Variants in NSL1 observed in about 807,000 individuals in gnomAD.
NSL1 encodes NSL1 component of MIS12 kinetochore complex.
A neutral mutation model predicts 25.4 loss-of-function variants in NSL1; 11 were observed. The observed-to-expected ratio is 0.43, with a 90% CI of 0.27 to 0.72. The LOEUF is 0.72. Ranked by LOEUF, NSL1 falls within the 30% of genes least tolerant of loss-of-function variation. The pLI, the probability that NSL1 is intolerant of heterozygous loss-of-function variation, is 0.19. For synonymous variants in NSL1, 118 were observed against 120.6 expected (o/e 0.98, Z 0.14); for missense variants, 330 against 342.7 (o/e 0.96, Z 0.29).
chr1:212,784,292 T>A, intron 3 of NSL1, 71 bp downstream of exon 3: 1 of 1,061,066 alleles, frequency 9.4e-7, no homozygotes, highest in Non-Finnish European at 1.4e-6. Flanking sequence ...TATCTCCACG[T>A]AGAGCCTTAT....
intron 4 of NSL1, among the ~76,000 whole-genome samples, chr1:212,759,955 T>C (rs1177069387): frequency 6.6e-6 from 1 of 152,092 alleles, no homozygotes; most frequent in Non-Finnish European, 1.5e-5. Context: ...CATGTGCCTT[T>C]AGTGTGCCTA....
rs1237984683 is a variant in NSL1, at chr1:212,760,603, G to C, written c.500-21002C>G. On this transcript the variant is annotated intron_variant, in intron 4 of 5. Coordinates refer to ENST00000366977, the MANE Select transcript of NSL1 (RefSeq NM_015471.4). The surrounding 1 kb of genome is among the most constrained non-coding windows in gnomAD (Gnocchi z 4.3). ...AAATGTGCTCTGGGGGGACTGGCCAGCCCAGTCCATTGCCACCACCACTGC... is the reference window on the plus strand; with the variant it reads ...AAATGTGCTCTGGGGGGACTGGCCACCCCAGTCCATTGCCACCACCACTGC... Among the ~76,000 whole-genome samples, 5 of 152,106 alleles carry C rather than the reference G, an allele frequency of 3.3e-5. No homozygotes were observed. The East Asian group carries it at 5.8e-4, about 18-fold the overall frequency.
chr1:212,775,019 A>G (rs993318998), intron 4 of NSL1, among the ~76,000 whole-genome samples: 3 of 152,244 alleles, frequency 2.0e-5, no homozygotes, highest in African/African-American at 7.2e-5. Flanking sequence ...ATAAATATAT[A>G]AAATACATAG....
chr1:212,772,595 T>C (rs1040324567), intron 4 of NSL1, among the ~76,000 whole-genome samples: 9 of 152,082 alleles, frequency 5.9e-5, no homozygotes, highest in African/African-American at 2.2e-4. Context: ...AAGAATCACT[T>C]GAACTCGGGA....
Position 212,727,988 on chromosome 1 carries a change from G to C in NSL1, c.*10420C>G. On this transcript the variant is annotated 3_prime_UTR_variant, in exon 6 of 6. Coordinates refer to ENST00000366977, the MANE Select transcript of NSL1 (RefSeq NM_015471.4). ...CAAGGCCTTTGCTGTGAACCACGGG[G>C]AGAAGGTGGAAGCAGAGTTTGTGGT... is the stretch of plus-strand genomic sequence containing the variant. The C allele has an allele frequency of 3.0e-6, 3 of 985,452 alleles. No homozygotes were observed. Among genetic ancestry groups the C allele is most frequent in the Non-Finnish European group, 3.6e-6 (3 of 829,940 alleles). The allele number at this position is 985,452 out of a possible 1,614,324, so 61.0% of individuals were successfully genotyped here.
intron 5 of NSL1, among the ~76,000 whole-genome samples, chr1:212,738,894 T>C (rs566737685): frequency 9.9e-5 from 15 of 152,058 alleles, no homozygotes; most frequent in African/African-American, 2.9e-4. Context: ...TCCCGAGTAG[T>C]TGGGACTACA....
chr1:212,730,390 T>C lies in NSL1; in HGVS notation c.*8018A>G. ...ACTCCAATGACATCATTGTAGAAGA[T>C]GTGGGCCACAGAGCTACATGAATGG... On this transcript the variant is annotated 3_prime_UTR_variant, in exon 6 of 6. Coordinates refer to ENST00000366977, the MANE Select transcript of NSL1 (RefSeq NM_015471.4). 1 of 985,030 alleles carries C rather than the reference T, an allele frequency of 1.0e-6. No homozygotes were observed. Among genetic ancestry groups the C allele is most frequent in the Non-Finnish European group, 1.2e-6 (1 of 829,896 alleles). The allele number at this position is 985,030 out of a possible 1,614,324, so 61.0% of individuals were successfully genotyped here.
intron 4 of NSL1, among the ~76,000 whole-genome samples, chr1:212,746,962 T>C (rs931642826): frequency 6.6e-6 from 1 of 152,078 alleles, no homozygotes; most frequent in Non-Finnish European, 1.5e-5. Context: ...CTGGCCAACA[T>C]GGCAAAACTC....
chr1:212,752,978 A>AT (rs1437818913), intron 4 of NSL1, among the ~76,000 whole-genome samples: 1 of 152,092 alleles, frequency 6.6e-6, no homozygotes, highest in East Asian at 1.9e-4. Context: ...ACAGCATCAG[A>AT]TGTGTGGCTT....
chr1:212,777,685 G>A (rs1171110211), intron 4 of NSL1, among the ~76,000 whole-genome samples: 1 of 152,176 alleles, frequency 6.6e-6, no homozygotes, highest in African/African-American at 2.4e-5. Flanking sequence ...TACTTCTGAG[G>A]TAAGAGAGGG....
At chr1:212,786,143 G>C (rs12729657) in intron 2 of NSL1, among the ~76,000 whole-genome samples, 7,914 of 149,836 alleles carry the variant, frequency 0.053, 260 homozygotes, top group Middle Eastern at 0.089. Flanking sequence ...TAGAGAGAGA[G>C]ACACACACAG....
Position 212,760,894 on chromosome 1 carries a change from C to G in NSL1, c.500-21293G>C, listed in dbSNP as rs1031887271. ...ACCACCAGTGGGGCCCAAGAACAGG[C>G]CTGCCTGGAGTCCCCATCCCAAGTA... is the stretch of plus-strand genomic sequence containing the variant. On this transcript the variant is annotated intron_variant, in intron 4 of 5. Transcript: ENST00000366977. The surrounding 1 kb of genome is among the most constrained non-coding windows in gnomAD (Gnocchi z 4.3). Among the ~76,000 whole-genome samples, 3 of 152,190 alleles carry G rather than the reference C, an allele frequency of 2.0e-5. No homozygotes were observed. The highest frequency in any genetic ancestry group is 4.8e-5 in the African/African-American group (2 of 41,440).
chr1:212,778,073 G>A (rs1452714815), intron 4 of NSL1, among the ~76,000 whole-genome samples: 1 of 152,026 alleles, frequency 6.6e-6, no homozygotes, highest in African/African-American at 2.4e-5. Context: ...AACAATTTAT[G>A]GGACTTATTG....
At position 212,729,255 on chromosome 1, in the gene NSL1, A is replaced by G. The variant is rs2102417306; in HGVS notation, c.*9153T>C. ...GAAGTGCAGGTTTGCTTGGGCTCCT[A>G]GCCTCTCCCTCAGCTCCCTCTTTTC... On this transcript the variant is annotated 3_prime_UTR_variant, in exon 6 of 6. Transcript: ENST00000366977. 3 of 985,400 alleles carry G rather than the reference A, an allele frequency of 3.0e-6. No individual in the cohort carries two copies. In the East Asian group the frequency reaches 3.4e-4, roughly 112 times the overall value. The allele number at this position is 985,400 out of a possible 1,614,324, so 61.0% of individuals were successfully genotyped here. A position where few individuals can be genotyped will look rare whatever the true frequency, so the allele number is the denominator to read the frequency against.
chr1:212,732,082 T>C lies in NSL1; in HGVS notation c.*6326A>G. ...GATTCAGGGTTTTTATTATTATGGCTATATAAATATTGTTCACTGGAGAAC... is the reference window on the plus strand; with the variant it reads ...GATTCAGGGTTTTTATTATTATGGCCATATAAATATTGTTCACTGGAGAAC... On this transcript the variant is annotated 3_prime_UTR_variant, in exon 6 of 6. Transcript: ENST00000366977. 1.0e-6 allele frequency: 1 copy of C among 970,954 alleles called. No individual in the cohort carries two copies. Among genetic ancestry groups the C allele is most frequent in the Non-Finnish European group, 1.2e-6 (1 of 817,036 alleles). The allele number at this position is 970,954 out of a possible 1,614,324, so 60.1% of individuals were successfully genotyped here.
At position 212,729,408 on chromosome 1, in the gene NSL1, C is replaced by T. The variant is rs1001447192; in HGVS notation, c.*9000G>A. The T allele has an allele frequency of 3.0e-6, 3 of 983,956 alleles. No homozygotes were observed. The highest frequency in any genetic ancestry group is 5.2e-4 in the Middle Eastern group (1 of 1,932). The allele number at this position is 983,956 out of a possible 1,614,324, so 61.0% of individuals were successfully genotyped here. Reference sequence around the variant, plus strand: ...CTCTTAGCACAGTATTTAGATTCATCGAGTATGTGTGTAATAAAAGGTGTG... The same window carrying T: ...CTCTTAGCACAGTATTTAGATTCATTGAGTATGTGTGTAATAAAAGGTGTG... On this transcript the variant is annotated 3_prime_UTR_variant, in exon 6 of 6. Transcript: ENST00000366977.
Position 212,759,617 on chromosome 1 carries a change from G to A in NSL1, c.500-20016C>T, listed in dbSNP as rs151039996. Among the ~76,000 whole-genome samples, 392 of 152,148 alleles carry A rather than the reference G, an allele frequency of 2.6e-3. 1 individual carries two copies. The highest frequency in any genetic ancestry group is 3.8e-3 in the Non-Finnish European group (255 of 67,986). On this transcript the variant is annotated intron_variant, in intron 4 of 5. Transcript: ENST00000366977. ...TACCCCCAAGGCCCAAGACACCGCAGCATAGCACCATTTTGAGAATTCAAC... is the reference window on the plus strand; with the variant it reads ...TACCCCCAAGGCCCAAGACACCGCAACATAGCACCATTTTGAGAATTCAAC...
chr1:212,780,515 AG>A (rs1193487618), intron 4 of NSL1, among the ~76,000 whole-genome samples: 6 of 127,682 alleles, frequency 4.7e-5, no homozygotes, highest in Non-Finnish European at 5.4e-5. Context: ...AAAAAAAAAA[AG>A]GAAAAAAAAA....
In NSL1 at chr1:212,734,361, G is replaced by A. The variant is rs546637650; in HGVS notation, c.*4047C>T. On this transcript the variant is annotated 3_prime_UTR_variant, in exon 6 of 6. Coordinates refer to ENST00000366977, the MANE Select transcript of NSL1 (RefSeq NM_015471.4). ...TGGGTCTGTCTTTGATGCTGGAGAC[G>A]CTCCTCAAATATTTGGTGAATCAGT... 3.3e-5 allele frequency among the ~76,000 whole-genome samples: 5 copies of A among 152,106 alleles called. No individual in the cohort carries two copies. Among genetic ancestry groups the A allele is most frequent in the Non-Finnish European group, 5.9e-5 (4 of 68,020 alleles).
Sources: allele counts gnomAD v4.1 joint callset (sites outside exome capture counted in the v4.1 genomes callset), GRCh38; gene constraint gnomAD v4.1.1; non-coding constraint Gnocchi (gnomAD v3.1); transcripts MANE v1.5; gene names NCBI Gene and HGNC (gene_info 2026-07-23, HGNC 2026-07-21).